Variants in CHST8 observed in about 807,000 individuals in gnomAD.
CHST8 encodes carbohydrate sulfotransferase 8, also known as GALNAC-4-ST1.
In CHST8, 10 loss-of-function variants were observed where a neutral mutation model predicts 15.0. That is an observed-to-expected ratio of 0.67 (90% CI 0.41 to 1.13). The LOEUF (loss-of-function observed/expected upper bound fraction) is 1.13, where lower values mean the gene tolerates loss of function less well. Ranked by LOEUF, CHST8 falls within the 50% of genes most tolerant of loss-of-function variation. The pLI is 0.00. For synonymous variants in CHST8, 259 were observed against 256.6 expected (o/e 1.01, Z -0.09); for missense variants, 634 against 608.2 (o/e 1.04, Z -0.45).
chr19:33,627,277 T>G (rs1972068384), intron 1 of CHST8, among the ~76,000 whole-genome samples: 1 of 151,772 alleles, frequency 6.6e-6, no homozygotes, highest in African/African-American at 2.4e-5. Context: ...ATTTTTTTTT[T>G]TTTTTAATAT....
At chr19:33,733,232 CTT>C (rs34651897) in intron 3 of CHST8, among the ~76,000 whole-genome samples, 25 of 125,578 alleles carry the variant, frequency 2.0e-4, no homozygotes, top group Admixed American at 3.3e-4. Context: ...CAGATATATT[CTT>C]TTTTTTTTTT....
chr19:33,638,805 T>A (rs1972240375), intron 1 of CHST8, among the ~76,000 whole-genome samples: 1 of 152,074 alleles, frequency 6.6e-6, no homozygotes, highest in Admixed American at 6.5e-5. Flanking sequence ...GGAACCTGCA[T>A]GCTGGTGGAT....
At chr19:33,696,986 T>C (rs1973231492) in intron 3 of CHST8, among the ~76,000 whole-genome samples, 2 of 151,828 alleles carry the variant, frequency 1.3e-5, no homozygotes, top group Non-Finnish European at 2.9e-5. Flanking sequence ...GATTACATGT[T>C]CTAATGCCAC....
chr19:33,633,774 CGTGTGTGTGTGTGTGTGTGTGTGTGT>C (rs55655047), intron 1 of CHST8, among the ~76,000 whole-genome samples: 18 of 141,080 alleles, frequency 1.3e-4, no homozygotes, highest in African/African-American at 4.7e-4. Flanking sequence ...TTTTCTTTTT[CGTGTGTGTGTGTGTGTGTGTGTGTGT>C]GTGTGTGTGT....
chr19:33,686,932 C>T (rs906875384), intron 2 of CHST8, among the ~76,000 whole-genome samples: 6 of 152,216 alleles, frequency 3.9e-5, no homozygotes, highest in East Asian at 3.9e-4. Context: ...TCCCCATGAC[C>T]GTGCAATAGC....
intron 1 of CHST8, among the ~76,000 whole-genome samples, chr19:33,654,131 A>T (rs943611544): frequency 2.6e-4 from 40 of 152,330 alleles, no homozygotes; most frequent in Admixed American, 2.0e-3. Flanking sequence ...CTGAAATCCT[A>T]GCAATGAGTT....
At chr19:33,768,462 AT>A (rs914349259) in intron 3 of CHST8, among the ~76,000 whole-genome samples, 18 of 151,776 alleles carry the variant, frequency 1.2e-4, no homozygotes, top group Middle Eastern at 3.4e-3. Context: ...ATTTTATTTT[AT>A]TTTTTTGAGA....
intron 3 of CHST8, among the ~76,000 whole-genome samples, chr19:33,739,278 G>A (rs1461434268): frequency 6.6e-6 from 1 of 152,064 alleles, no homozygotes; most frequent in Non-Finnish European, 1.5e-5. Context: ...TCCTCCACAA[G>A]ATGAAGTGTT....
intron 3 of CHST8, among the ~76,000 whole-genome samples, chr19:33,698,638 G>A (rs1359859443): frequency 6.6e-6 from 1 of 152,020 alleles, no homozygotes; most frequent in Non-Finnish European, 1.5e-5. Flanking sequence ...GGAGGTTGGG[G>A]GTGCCATTCA....
chr19:33,728,609 T>C (rs1056711046), intron 3 of CHST8, among the ~76,000 whole-genome samples: 2 of 152,190 alleles, frequency 1.3e-5, no homozygotes, highest in Admixed American at 6.5e-5. Context: ...TGTGGTTCGA[T>C]GAGCATCCCT....
At chr19:33,703,585 C>T (rs964950899) in intron 3 of CHST8, among the ~76,000 whole-genome samples, 2 of 152,228 alleles carry the variant, frequency 1.3e-5, no homozygotes, top group Non-Finnish European at 2.9e-5. Flanking sequence ...GCACCTTCTG[C>T]TGGGCTCCAA....
At chr19:33,674,210 G>A (rs1241306584) in intron 2 of CHST8, among the ~76,000 whole-genome samples, 2 of 152,190 alleles carry the variant, frequency 1.3e-5, no homozygotes, top group Non-Finnish European at 2.9e-5. Flanking sequence ...CTGGCTAGAG[G>A]CCTCCTGGAC....
At chr19:33,735,490 G>A (rs531966086) in intron 3 of CHST8, among the ~76,000 whole-genome samples, 2 of 152,196 alleles carry the variant, frequency 1.3e-5, no homozygotes, top group South Asian at 2.1e-4. Flanking sequence ...ACAGACACAC[G>A]CAGACACACA....
intron 3 of CHST8, among the ~76,000 whole-genome samples, chr19:33,770,311 C>T (rs1002551454): frequency 2.6e-5 from 4 of 152,294 alleles, no homozygotes; most frequent in South Asian, 4.2e-4. Flanking sequence ...CATGGTGCCC[C>T]GGCGCGCCAG....
intron 3 of CHST8, among the ~76,000 whole-genome samples, chr19:33,754,473 A>G (rs947713153): frequency 6.6e-6 from 1 of 152,116 alleles, no homozygotes; most frequent in Non-Finnish European, 1.5e-5. Context: ...CTTGCCGTGC[A>G]TCTTAACCCT....
chr19:33,636,148 C>T (rs1337584558), intron 1 of CHST8, among the ~76,000 whole-genome samples: 1 of 150,496 alleles, frequency 6.6e-6, no homozygotes, highest in Non-Finnish European at 1.5e-5. Context: ...GAAGACTTGG[C>T]AGATTTGAGG....
chr19:33,657,916 T>C (rs1202060932), intron 1 of CHST8, among the ~76,000 whole-genome samples: 1 of 152,248 alleles, frequency 6.6e-6, no homozygotes, highest in Non-Finnish European at 1.5e-5. Flanking sequence ...CTAAAGTTAT[T>C]ATCTCTGTTA....
chr19:33,653,339 G>A (rs1036474226), intron 1 of CHST8, among the ~76,000 whole-genome samples: 1 of 152,196 alleles, frequency 6.6e-6, no homozygotes, highest in East Asian at 1.9e-4. Flanking sequence ...AAGAAGATGA[G>A]AGTTAGTGTG....
At chr19:33,754,419 C>T (rs895300666) in intron 3 of CHST8, among the ~76,000 whole-genome samples, 1 of 152,086 alleles carries the variant, frequency 6.6e-6, no homozygotes, top group African/African-American at 2.4e-5. Context: ...CTAGAAGAAG[C>T]ACACCAGGCA....
Sources: allele counts gnomAD v4.1 joint callset (sites outside exome capture counted in the v4.1 genomes callset), GRCh38; gene constraint gnomAD v4.1.1; transcripts MANE v1.5; gene names NCBI Gene and HGNC (gene_info 2026-07-23, HGNC 2026-07-21).